WDR27: variants seen among roughly 807,000 people sequenced by gnomAD.
WDR27 encodes WD repeat-containing protein 27.
In WDR27, 100 loss-of-function variants were observed where a neutral mutation model predicts 114.4. The observed-to-expected ratio is 0.87, with a 90% CI of 0.74 to 1.03. The LOEUF (loss-of-function observed/expected upper bound fraction) is 1.03, where lower values mean the gene tolerates loss of function less well. Among genes scored for constraint, WDR27 ranks in the 50% least tolerant of loss-of-function variants. The pLI, the probability that WDR27 is intolerant of heterozygous loss-of-function variation, is 0.00. For missense variants in WDR27, 1,129 were observed against 1,092.9 expected, an observed-to-expected ratio of 1.03 and a Z score of -0.47; for synonymous variants, 449 against 423.1, an observed-to-expected ratio of 1.06 and a Z score of -0.75.
rs374850127 is a variant in WDR27 at position 169,504,089 on chromosome 6, G to C, written c.2646-46455C>G. 1.3e-4 allele frequency among the ~76,000 whole-genome samples: 20 copies of C among 152,160 alleles called. No individual in the cohort carries two copies. The South Asian group carries it at 2.5e-3, about 19-fold the overall frequency. Reference sequence around the variant, plus strand: ...TGAGTGGATAGATAAAAAGATAGATGAACAGTGTGTAGTTATGTGATAAAA... The same window carrying C: ...TGAGTGGATAGATAAAAAGATAGATCAACAGTGTGTAGTTATGTGATAAAA... On this transcript the variant is annotated intron_variant, in intron 25 of 25. Coordinates refer to ENST00000448612, the MANE Select transcript of WDR27 (RefSeq NM_182552.5).
intron 2 of WDR27, among the ~76,000 whole-genome samples, chr6:169,681,558 C>T (rs899471777): frequency 2.0e-5 from 3 of 152,204 alleles, no homozygotes; most frequent in Non-Finnish European, 4.4e-5. Flanking sequence ...TGGCCTTGAG[C>T]CTGAAAACAA....
intron 1 of WDR27, among the ~76,000 whole-genome samples, chr6:169,699,465 G>GATGCACACAGAGCTGACA (rs1787233301): frequency 6.6e-6 from 1 of 152,012 alleles, no homozygotes; most frequent in African/African-American, 2.4e-5. Flanking sequence ...CAGAGCTGAC[G>GATGCACACAGAGCTGACA]AGATACACAC....
chr6:169,687,426 G>T (rs1327776096), intron 2 of WDR27, among the ~76,000 whole-genome samples: 1 of 151,952 alleles, frequency 6.6e-6, no homozygotes, highest in Non-Finnish European at 1.5e-5. Context: ...AATGGCAAGA[G>T]ATTTGAAAAC....
At position 169,676,048 on chromosome 6, in the gene WDR27, T is replaced by C. The variant is rs187674699; in HGVS notation, c.190-3652A>G. Among the ~76,000 whole-genome samples the C allele has an allele frequency of 8.5e-5, 13 of 152,312 alleles. No individual in the cohort carries two copies. In the East Asian group the frequency reaches 2.3e-3, roughly 27 times the overall value. ...TCAGACTGAAAAGTAAGTCATGATA[T>C]ACGGGGTCAAATAAAACCCATCTAA... On this transcript the variant is annotated intron_variant, in intron 2 of 25. Transcript: ENST00000448612.
intron 25 of WDR27, among the ~76,000 whole-genome samples, chr6:169,555,913 G>A (rs948393979): frequency 3.3e-5 from 5 of 152,096 alleles, no homozygotes; most frequent in African/African-American, 7.2e-5. Context: ...GGAGCAAACC[G>A]ATACTCATAT....
At chr6:169,491,513 G>A (rs117534547) in intron 25 of WDR27, among the ~76,000 whole-genome samples, 3,120 of 151,802 alleles carry the variant, frequency 0.021, 68 homozygotes, top group East Asian at 0.081. Context: ...TAAAATATAA[G>A]AGAAGAAATA....
At chr6:169,438,261 G>A in the WDR27 span, among the ~76,000 whole-genome samples, 4 of 141,478 alleles carry the variant, frequency 2.8e-5, no homozygotes, top group South Asian at 2.2e-4. Flanking sequence ...TTTTTGAGAC[G>A]GAGTCTGGCT....
intron 2 of WDR27, among the ~76,000 whole-genome samples, chr6:169,672,762 TG>T (rs1414984333): frequency 6.6e-6 from 1 of 152,138 alleles, no homozygotes; most frequent in Non-Finnish European, 1.5e-5. Context: ...ATGAGGTCCC[TG>T]GGAAAACAAG....
Position 169,662,329 on chromosome 6 carries a change from G to C in WDR27, c.1000C>G (p.Leu334Val). 1 of 1,613,932 alleles carries C rather than the reference G, an allele frequency of 6.2e-7. No homozygotes were observed. Among genetic ancestry groups the C allele is most frequent in the Non-Finnish European group, 8.5e-7 (1 of 1,179,800 alleles). ...CATCCACATGCAGAATTTGGGATGAGTGAGAGATCACAGGGTGCAAGTCTC... is the reference window on the plus strand; with the variant it reads ...CATCCACATGCAGAATTTGGGATGACTGAGAGATCACAGGGTGCAAGTCTC... The part of the protein sequence containing the change: ...VLRLAPCDLS[L>V]IPNSACGCLS... Residue 334 changes from leucine to valine, a missense_variant, in exon 9 of 26, where the codon CTC (leucine) becomes GTC (valine). Physicochemically the swap from Leu to Val is conservative, Grantham distance 32. Transcript: ENST00000448612.
Position 169,658,401 on chromosome 6 carries a change from C to T in WDR27, c.1320-43G>A, listed in dbSNP as rs755950552. ...CCCATGAAACTAGGAGCGCAAACGA[C>T]GATACGATGGAAATGCCTCAGTGAC... On this transcript the variant is annotated intron_variant, in intron 12 of 25. Transcript: ENST00000448612. The T allele has an allele frequency of 1.7e-5, 25 of 1,457,726 alleles. 1 individual carries two copies. Among genetic ancestry groups the T allele is most frequent in the South Asian group, 3.6e-5 (3 of 82,488 alleles). 90.3% of individuals were successfully genotyped at this position (1,457,726 alleles called of 1,614,324 possible).
Position 169,501,252 on chromosome 6 carries a change from C to T in WDR27, c.2646-43618G>A, listed in dbSNP as rs536235461. On this transcript the variant is annotated intron_variant, in intron 25 of 25. Coordinates refer to ENST00000448612, the MANE Select transcript of WDR27 (RefSeq NM_182552.5). ...CACCTGCGGATTGAAGCAGAGTGGC[C>T]CGGCAGGGAGCCCAGACCAGCCAGT... 4.1e-4 allele frequency among the ~76,000 whole-genome samples: 63 copies of T among 152,316 alleles called. No homozygotes were observed. In the South Asian group the frequency reaches 0.013, roughly 31 times the overall value.
At chr6:169,570,533 T>TA (rs1487242846) in intron 25 of WDR27, among the ~76,000 whole-genome samples, 1 of 152,188 alleles carries the variant, frequency 6.6e-6, no homozygotes, top group Non-Finnish European at 1.5e-5. Flanking sequence ...CTGTTATCTT[T>TA]AAAAAGCTCA....
intron 22 of WDR27, among the ~76,000 whole-genome samples, chr6:169,604,392 G>A (rs55961818): frequency 0.052 from 7,880 of 152,084 alleles, 282 homozygotes; most frequent in Non-Finnish European, 0.075. Context: ...AACTTCCCAA[G>A]CTTGAAGCAG....
chr6:169,638,497 C>G, intron 18 of WDR27, 42 bp downstream of exon 18: 1 of 1,604,054 alleles, frequency 6.2e-7, no homozygotes. Context: ...CTCTCAGCTC[C>G]TTTGGAAATG....
At chr6:169,595,916 TTGAG>T (rs1253681042) in intron 23 of WDR27, among the ~76,000 whole-genome samples, 12 of 152,116 alleles carry the variant, frequency 7.9e-5, no homozygotes, top group Non-Finnish European at 5.9e-5. Flanking sequence ...GATTCTCTTT[TTGAG>T]TAAGTAAAAT....
intron 9 of WDR27, among the ~76,000 whole-genome samples, chr6:169,661,304 G>C (rs1402505118): frequency 1.3e-5 from 2 of 152,246 alleles, no homozygotes; most frequent in Non-Finnish European, 2.9e-5. Flanking sequence ...GGCCACACAA[G>C]CTGCCCACCT....
intron 21 of WDR27, among the ~76,000 whole-genome samples, chr6:169,624,455 G>A (rs1278066885): frequency 6.6e-6 from 1 of 152,140 alleles, no homozygotes; most frequent in East Asian, 1.9e-4. Context: ...CTTAGTGAAT[G>A]AAACGCTCGT....
chr6:169,647,404 G>T (rs1237390597), intron 16 of WDR27, among the ~76,000 whole-genome samples: 1 of 152,230 alleles, frequency 6.6e-6, no homozygotes, highest in Non-Finnish European at 1.5e-5. Context: ...CCAGAGGGAA[G>T]CAGTGACTGT....
intron 1 of WDR27, among the ~76,000 whole-genome samples, chr6:169,695,357 A>C (rs1785624063): frequency 1.3e-5 from 2 of 152,188 alleles, no homozygotes; most frequent in African/African-American, 2.4e-5. Flanking sequence ...CTGGGGAAGA[A>C]CAGGTTTGGC....
Sources: allele counts gnomAD v4.1 joint callset (sites outside exome capture counted in the v4.1 genomes callset), GRCh38; gene constraint gnomAD v4.1.1; transcripts MANE v1.5; gene names NCBI Gene and HGNC (gene_info 2026-07-23, HGNC 2026-07-21).